SEC11C: variants seen among roughly 807,000 people sequenced by gnomAD.
The protein encoded by SEC11C is signal peptidase complex catalytic subunit SEC11C.
A neutral mutation model predicts 21.9 loss-of-function variants in SEC11C; 10 were observed. The ratio of observed to expected loss-of-function variants is 0.46; its 90% CI spans 0.28 to 0.77. The LOEUF (loss-of-function observed/expected upper bound fraction) is 0.77, where lower values mean the gene tolerates loss of function less well. Among genes scored for constraint, SEC11C ranks in the 30% least tolerant of loss-of-function variants. The pLI is 0.12. For missense variants in SEC11C, 145 were observed against 244.5 expected, an observed-to-expected ratio of 0.59 and a Z score of 2.71; for synonymous variants, 83 against 85.6, an observed-to-expected ratio of 0.97 and a Z score of 0.17.
At chr18:59,140,167 T>C in intron 1 of SEC11C, 132 bp downstream of exon 1, 2 of 728,690 alleles carry the variant, frequency 2.7e-6, no homozygotes, top group South Asian at 4.1e-5. Flanking sequence ...CGCGCTGGGC[T>C]CTCAGGCCCT....
At position 59,149,522 on chromosome 18, in the gene SEC11C, C is replaced by A; in HGVS notation, c.97C>A (p.Gln33Lys). 1 of 1,604,544 alleles carries A rather than the reference C, an allele frequency of 6.2e-7. No individual in the cohort carries two copies. The highest frequency in any genetic ancestry group is 8.5e-7 in the Non-Finnish European group (1 of 1,172,118). Residue 33 changes from glutamine to lysine, a missense_variant, in exon 2 of 6, where the codon CAG (glutamine) becomes AAG (lysine). Coordinates refer to ENST00000587834, the MANE Select transcript of SEC11C (RefSeq NM_033280.4). ...KKMNKRQLYY[Q>K]VLNFAMIVSS... Reference sequence around the variant, plus strand: ...CTCTTTTTCATTCCAGCTCTATTACCAGGTTTTAAACTTCGCCATGATCGT... The same window carrying A: ...CTCTTTTTCATTCCAGCTCTATTACAAGGTTTTAAACTTCGCCATGATCGT...
Position 59,152,549 on chromosome 18 carries a change from CCGG to C in SEC11C, c.213_215del (p.Ala72del). On this transcript the variant is annotated inframe_deletion, in exon 3 of 6. Transcript: ENST00000587834. ...GCTTCTTTCCAGTGGCAGTATGGAG[CCGG>C]CCTTTCACAGAGGAGACCTCCTGTT... 1 of 1,604,120 alleles carries C rather than the reference CCGG, an allele frequency of 6.2e-7. No individual in the cohort carries two copies. The highest frequency in any genetic ancestry group is 8.5e-7 in the Non-Finnish European group (1 of 1,177,058).
Position 59,157,739 on chromosome 18 carries a change from G to A in SEC11C, c.525+74G>A, listed in dbSNP as rs946098879. Reference sequence around the variant, plus strand: ...GCTTTTACTTCTGCAACTGTAAACAGGCAGTCTTCTTAAAACATGTTGCCA... The same window carrying A: ...GCTTTTACTTCTGCAACTGTAAACAAGCAGTCTTCTTAAAACATGTTGCCA... On this transcript the variant is annotated intron_variant, in intron 5 of 5. Coordinates refer to ENST00000587834, the MANE Select transcript of SEC11C (RefSeq NM_033280.4). The A allele has an allele frequency of 2.0e-5, 21 of 1,028,816 alleles. No homozygotes were observed. The African/African-American group carries it at 2.7e-4, about 13-fold the overall frequency. 63.7% of individuals were successfully genotyped at this position (1,028,816 alleles called of 1,614,324 possible). A position where few individuals can be genotyped will look rare whatever the true frequency, so the allele number is the denominator to read the frequency against.
intron 4 of SEC11C, chr18:59,157,237 A>G (rs2069428359): frequency 5.5e-6 from 1 of 180,684 alleles, no homozygotes; most frequent in African/African-American, 2.4e-5. Context: ...ATGTACTTTG[A>G]AAGCTTTATC....
intron 1 of SEC11C, among the ~76,000 whole-genome samples, chr18:59,144,053 C>T (rs1176063341): frequency 1.3e-5 from 2 of 152,050 alleles, no homozygotes; most frequent in Non-Finnish European, 2.9e-5. Context: ...CGGGTTTCAC[C>T]ATGTTGGCCA....
intron 3 of SEC11C, among the ~76,000 whole-genome samples, chr18:59,154,043 T>C (rs1227276777): frequency 1.3e-5 from 2 of 152,132 alleles, no homozygotes; most frequent in Non-Finnish European, 2.9e-5. Context: ...CCCACAGATA[T>C]TGATACTTAT....
intron 2 of SEC11C, among the ~76,000 whole-genome samples, chr18:59,150,925 C>A (rs952354515): frequency 2.0e-5 from 3 of 152,104 alleles, no homozygotes; most frequent in African/African-American, 7.2e-5. Context: ...GACACACTTG[C>A]ACACAGAAGG....
At chr18:59,149,062 C>A (rs549999065) in intron 1 of SEC11C, among the ~76,000 whole-genome samples, 1 of 152,254 alleles carries the variant, frequency 6.6e-6, no homozygotes, top group Non-Finnish European at 1.5e-5. Flanking sequence ...CACTATAGGA[C>A]TCCAAAGCTT....
At chr18:59,144,179 A>G (rs1252761555) in intron 1 of SEC11C, among the ~76,000 whole-genome samples, 1 of 152,080 alleles carries the variant, frequency 6.6e-6, no homozygotes, top group South Asian at 2.1e-4. Context: ...AGTTATTTCC[A>G]TATTGTTGCT....
chr18:59,152,365 C>A (rs902830238), intron 2 of SEC11C, among the ~76,000 whole-genome samples, 171 bp from the exon 3 acceptor site: 1 of 152,132 alleles, frequency 6.6e-6, no homozygotes, highest in African/African-American at 2.4e-5. Flanking sequence ...CAGTAGAAGT[C>A]ATTTCCTTTC....
At chr18:59,149,680 C>A in intron 2 of SEC11C, 58 bp downstream of exon 2, 2 of 1,107,800 alleles carry the variant, frequency 1.8e-6, no homozygotes, top group Non-Finnish European at 2.7e-6. Flanking sequence ...TGCCTTGGGC[C>A]TGAGGAGCGG....
intron 4 of SEC11C, chr18:59,157,251 C>G (rs1271020646): frequency 5.3e-6 from 1 of 189,312 alleles, no homozygotes. Flanking sequence ...CTTTATCTAA[C>G]AGCAGTTTTT....
At chr18:59,152,485 C>A in intron 2 of SEC11C, 51 bp from the exon 3 acceptor site, 1 of 1,529,064 alleles carries the variant, frequency 6.5e-7, no homozygotes, top group Non-Finnish European at 8.7e-7. Context: ...CTATTCTGAT[C>A]GCCTTTTGGA....
At chr18:59,143,658 C>T (rs2069237256) in intron 1 of SEC11C, among the ~76,000 whole-genome samples, 1 of 152,102 alleles carries the variant, frequency 6.6e-6, no homozygotes, top group Non-Finnish European at 1.5e-5. Context: ...CTCTTAGCGT[C>T]TTGGGGCATC....
chr18:59,154,182 G>A (rs1471243663), intron 3 of SEC11C, among the ~76,000 whole-genome samples: 1 of 152,200 alleles, frequency 6.6e-6, no homozygotes, highest in East Asian at 1.9e-4. Context: ...CAGTCATGAT[G>A]TGACAGTACT....
At chr18:59,146,190 A>G (rs1249935563) in intron 1 of SEC11C, among the ~76,000 whole-genome samples, 7 of 152,174 alleles carry the variant, frequency 4.6e-5, no homozygotes, top group Non-Finnish European at 1.5e-5. Context: ...AGAGACCTGG[A>G]CAAACTCCAG....
intron 2 of SEC11C, among the ~76,000 whole-genome samples, chr18:59,150,484 T>G (rs1209175238): frequency 6.6e-6 from 1 of 152,188 alleles, no homozygotes; most frequent in Non-Finnish European, 1.5e-5. Context: ...CTTCTAGAGA[T>G]CGCGTTTTCA....
At position 59,152,672 on chromosome 18, in the gene SEC11C, A is replaced by G. The variant is rs1345271738; in HGVS notation, c.334A>G (p.Lys112Glu). Residue 112 changes from lysine to glutamate, a missense_variant, in exon 3 of 6, where the codon AAA becomes GAA. By Grantham distance (56) the Lys-to-Glu change is moderately conservative. Coordinates refer to ENST00000587834, the MANE Select transcript of SEC11C (RefSeq NM_033280.4). ...RDIPIVHRVIKVHEKDNGDIK... is the reference protein window; with the variant it reads ...RDIPIVHRVIEVHEKDNGDIK... ...CATTCCAATAGTTCACAGAGTAATCAAAGTTCATGAAAAGTAAAGAGGCTT... is the reference window on the plus strand; with the variant it reads ...CATTCCAATAGTTCACAGAGTAATCGAAGTTCATGAAAAGTAAAGAGGCTT... 1 of 1,595,068 alleles carries G rather than the reference A, an allele frequency of 6.3e-7. No individual in the cohort carries two copies. Among genetic ancestry groups the G allele is most frequent in the Non-Finnish European group, 8.5e-7 (1 of 1,174,928 alleles).
chr18:59,141,982 G>A (rs2144022761), intron 1 of SEC11C, among the ~76,000 whole-genome samples: 1 of 152,286 alleles, frequency 6.6e-6, no homozygotes, highest in East Asian at 1.9e-4. Flanking sequence ...TCTGCTGTGA[G>A]CATTAAGTGC....
Sources: allele counts gnomAD v4.1 joint callset (sites outside exome capture counted in the v4.1 genomes callset), GRCh38; gene constraint gnomAD v4.1.1; transcripts MANE v1.5; gene names NCBI Gene and HGNC (gene_info 2026-07-23, HGNC 2026-07-21).